The following CCDC171 variants were observed in gnomAD, a reference collection of about 807,000 sequenced individuals.
CCDC171 encodes coiled-coil domain-containing protein 171.
A neutral mutation model predicts 168.2 loss-of-function variants in CCDC171; 177 were observed. The observed-to-expected ratio is 1.05, with a 90% CI of 0.93 to 1.19. The LOEUF (loss-of-function observed/expected upper bound fraction) is 1.19, where lower values mean the gene tolerates loss of function less well. CCDC171 is among the 50% of genes most tolerant of loss of function. The pLI is 0.00. For synonymous variants in CCDC171, 687 were observed against 540.8 expected (o/e 1.27, Z -3.75); for missense variants, 1,991 against 1,539.0 (o/e 1.29, Z -4.91).
chr9:15,557,202 T>G (rs969102908), intron 1 of CCDC171, among the ~76,000 whole-genome samples: 1 of 152,170 alleles, frequency 6.6e-6, no homozygotes, highest in African/African-American at 2.4e-5. Context: ...TCTTTTTGCT[T>G]AGGATTGTCT....
intron 10 of CCDC171, among the ~76,000 whole-genome samples, chr9:15,692,615 C>T (rs1375649713): frequency 2.7e-5 from 4 of 150,930 alleles, no homozygotes; most frequent in Non-Finnish European, 3.0e-5. Flanking sequence ...GCAAGCTCCG[C>T]CCCCTGGGTT....
chr9:15,778,449 G>A (rs1426791317), intron 19 of CCDC171, among the ~76,000 whole-genome samples: 1 of 149,586 alleles, frequency 6.7e-6, no homozygotes, highest in Admixed American at 6.7e-5. Context: ...GAACAGCCTG[G>A]CCAACATGGT....
In CCDC171 at chr9:15,888,954, T is replaced by TTC. The variant is rs1554667445; in HGVS notation, c.3600+14292_3600+14293insCT. 5 of 90,718 alleles carry TTC rather than the reference T, an allele frequency of 5.5e-5. No homozygotes were observed. The East Asian group carries it at 1.1e-3, about 19-fold the overall frequency. The allele number at this position is 90,718 out of a possible 1,614,324, so 5.6% of individuals were successfully genotyped here. ...ATATGCCTCATTTTTCTTTTCTTTT[T>TTC]TTTTTTTTTTTTTTTTTTTTTGAGA... On this transcript the variant is annotated intron_variant, in intron 24 of 25. Transcript: ENST00000380701.
Position 15,721,676 on chromosome 9 carries a change from C to G in CCDC171, c.1319-93C>G, listed in dbSNP as rs77940796. Reference sequence around the variant, plus strand: ...TAATAGTTTCATAACGTCTTTTCAGCTCTACCTAATTGTAGTATCTCTGTT... The same window carrying G: ...TAATAGTTTCATAACGTCTTTTCAGGTCTACCTAATTGTAGTATCTCTGTT... On this transcript the variant is annotated intron_variant, in intron 11 of 25. Coordinates refer to ENST00000380701, the MANE Select transcript of CCDC171 (RefSeq NM_173550.4). The G allele has an allele frequency of 7.1e-3, 3,638 of 514,942 alleles. 10 individuals are homozygous for G. The highest frequency in any genetic ancestry group is 0.01 in the Non-Finnish European group (3,079 of 297,028). 31.9% of individuals were successfully genotyped at this position (514,942 alleles called of 1,614,324 possible). A position where few individuals can be genotyped will look rare whatever the true frequency, so the allele number is the denominator to read the frequency against.
Position 15,728,035 on chromosome 9 carries a change from A to G in CCDC171, c.1859A>G (p.Lys620Arg). 6.2e-7 allele frequency: 1 copy of G among 1,608,398 alleles called. No homozygotes were observed. Among genetic ancestry groups the G allele is most frequent in the South Asian group, 1.1e-5 (1 of 89,698 alleles). Residue 620 changes from lysine (K) to arginine (R), a missense_variant and splice_region_variant, in exon 15 of 26, where the codon AAG becomes AGG. Coordinates refer to ENST00000380701, the MANE Select transcript of CCDC171 (RefSeq NM_173550.4). ...LIADLNRANE[K>R]IRHLEYICKN... ...GCAGACCTCAACAGGGCTAATGAGAAGGTAACTGTCCTCAGGCACCAGATA... is the reference window on the plus strand; with the variant it reads ...GCAGACCTCAACAGGGCTAATGAGAGGGTAACTGTCCTCAGGCACCAGATA...
intron 23 of CCDC171, among the ~76,000 whole-genome samples, chr9:15,871,625 T>A (rs1413910625): frequency 6.6e-6 from 1 of 151,964 alleles, no homozygotes; most frequent in East Asian, 1.9e-4. Flanking sequence ...TCTTTTAATA[T>A]GTTAGTTACT....
At chr9:15,979,322 T>A (rs7022732) in intron 3 of CCDC171, among the ~76,000 whole-genome samples, 11,596 of 152,188 alleles carry the variant, frequency 0.076, 1,446 homozygotes, top group African/African-American at 0.26. Flanking sequence ...CTTCAGTACA[T>A]TGTTGAGTAG....
intron 25 of CCDC171, among the ~76,000 whole-genome samples, chr9:15,924,431 A>T (rs1477899684): frequency 8.1e-6 from 1 of 123,088 alleles, no homozygotes; most frequent in African/African-American, 3.7e-5. Flanking sequence ...ACCTTGCCTC[A>T]CACTTAGTCA....
At chr9:15,634,793 A>G (rs932674965) in intron 7 of CCDC171, among the ~76,000 whole-genome samples, 4 of 152,178 alleles carry the variant, frequency 2.6e-5, no homozygotes, top group Admixed American at 1.3e-4. Context: ...CTCATTAGCC[A>G]TCACTTTCCT....
At chr9:15,623,515 C>T in intron 7 of CCDC171, 102 bp downstream of exon 7, 2 of 338,900 alleles carry the variant, frequency 5.9e-6, no homozygotes, top group Middle Eastern at 1.5e-3. Context: ...ACATAAAACC[C>T]ATTCCGTGAT....
intron 4 of CCDC171, among the ~76,000 whole-genome samples, chr9:15,580,027 G>C (rs775534628): frequency 2.0e-5 from 3 of 152,176 alleles, no homozygotes; most frequent in African/African-American, 4.8e-5. Flanking sequence ...CAGGCATGGA[G>C]ACTAATGGAA....
At chr9:16,044,288 C>G (rs1001572385) in intron 1 of CCDC171, among the ~76,000 whole-genome samples, 1 of 152,006 alleles carries the variant, frequency 6.6e-6, no homozygotes, top group African/African-American at 2.4e-5. Context: ...GCAGAATGAC[C>G]AAAAGAAAAA....
chr9:15,764,144 G>A (rs1388182569), intron 18 of CCDC171, among the ~76,000 whole-genome samples: 1 of 152,192 alleles, frequency 6.6e-6, no homozygotes, highest in Non-Finnish European at 1.5e-5. Context: ...GGAGAAAGGT[G>A]GAAGATGATG....
chr9:16,108,776 A>G, the CCDC171 span, among the ~76,000 whole-genome samples: 1 of 152,222 alleles, frequency 6.6e-6, no homozygotes, highest in South Asian at 2.1e-4. Context: ...ACAATTAAAA[A>G]GTAAGAATAT....
At chr9:16,091,909 T>C in the CCDC171 span, among the ~76,000 whole-genome samples, 1 of 152,224 alleles carries the variant, frequency 6.6e-6, no homozygotes, top group East Asian at 1.9e-4. Context: ...GTCATCACTT[T>C]CTAAAAAATG....
At chr9:16,063,623 T>C (rs571629039), downstream of CCDC171, among the ~76,000 whole-genome samples, 10 of 152,346 alleles carry the variant, frequency 6.6e-5, no homozygotes, top group East Asian at 1.9e-3. Flanking sequence ...GGTTTGAATA[T>C]TCTTCCTTGA....
chr9:15,713,731 A>G (rs1392871598), intron 11 of CCDC171, among the ~76,000 whole-genome samples: 4 of 152,100 alleles, frequency 2.6e-5, no homozygotes, highest in Non-Finnish European at 5.9e-5. Context: ...GTGAAATGCT[A>G]TATACATCTT....
At chr9:15,608,396 T>C (rs985113822) in intron 6 of CCDC171, among the ~76,000 whole-genome samples, 1 of 152,236 alleles carries the variant, frequency 6.6e-6, no homozygotes, top group African/African-American at 2.4e-5. Context: ...GTATAAAATA[T>C]GTGCCAAATT....
At position 15,624,486 on chromosome 9, in the gene CCDC171, C is replaced by T. The variant is rs148620361; in HGVS notation, c.822+1073C>T. Among the ~76,000 whole-genome samples, 101 of 152,130 alleles carry T rather than the reference C, an allele frequency of 6.6e-4. No individual in the cohort carries two copies. The East Asian group carries it at 0.013, about 20-fold the overall frequency. On this transcript the variant is annotated intron_variant, in intron 7 of 25. Transcript: ENST00000380701. ...CACTCCCCCACCCCATGACAGGCCC[C>T]GGTGTGTGATGTTCCCCATCCTGTG...
Sources: allele counts gnomAD v4.1 joint callset (sites outside exome capture counted in the v4.1 genomes callset), GRCh38; gene constraint gnomAD v4.1.1; transcripts MANE v1.5; gene names NCBI Gene and HGNC (gene_info 2026-07-23, HGNC 2026-07-21).